DNMT3A: variants seen among roughly 807,000 people sequenced by gnomAD.
DNMT3A encodes the protein DNA (cytosine-5)-methyltransferase 3A.
A neutral mutation model predicts 117.6 loss-of-function variants in DNMT3A; 267 were observed. The ratio of observed to expected loss-of-function variants is 2.27; its 90% CI spans 2.05 to 2.51. The LOEUF is 2.51. Among genes scored for constraint, DNMT3A ranks in the 30% most tolerant of loss-of-function variants. DNMT3A has a pLI of 0.00. For synonymous variants in DNMT3A, 432 were observed against 474.8 expected (o/e 0.91, Z 1.17); for missense variants, 1,029 against 1,260.2 (o/e 0.82, Z 2.78).
In DNMT3A at chr2:25,252,245, G is replaced by A. The variant is rs1382484125; in HGVS notation, c.640-3993C>T. 1.4e-6 allele frequency: 2 copies of A among 1,421,018 alleles called. No individual in the cohort carries two copies. The highest frequency in any genetic ancestry group is 2.5e-5 in the South Asian group (2 of 78,922). The allele number at this position is 1,421,018 out of a possible 1,614,324, so 88.0% of individuals were successfully genotyped here. On this transcript the variant is annotated intron_variant, in intron 6 of 22. Transcript: ENST00000321117. The surrounding 1 kb of genome is among the most constrained non-coding windows in gnomAD (Gnocchi z 5.5). ...CAGTCGCGCTCAGGTGTGAGCCGCG[G>A]CCCTGAAGCTCTGGAAGTAGCTGCC...
intron 6 of DNMT3A, 31 bp downstream of exon 6, chr2:25,274,910 G>C: frequency 2.5e-6 from 4 of 1,590,998 alleles, no homozygotes; most frequent in Middle Eastern, 3.8e-4. Flanking sequence ...TCTGCAGGAC[G>C]GGCTGGGGCC....
intron 6 of DNMT3A, among the ~76,000 whole-genome samples, chr2:25,271,591 T>G (rs910780949): frequency 2.0e-5 from 3 of 152,224 alleles, no homozygotes; most frequent in African/African-American, 7.2e-5. Context: ...CAATTCTTCA[T>G]TGGGAGCTTG....
rs371000949 is a variant in DNMT3A, at chr2:25,242,716, C to T, written c.1937-1009G>A. Among the ~76,000 whole-genome samples the T allele has an allele frequency of 1.5e-4, 23 of 152,220 alleles. No individual in the cohort carries two copies. The South Asian group carries it at 4.1e-3, about 27-fold the overall frequency. ...GAAGAGCTATTCCTTTCTTAAAAGC[C>T]GGGAAGCCCTTGGCTGGGGGGGCAG... On this transcript the variant is annotated intron_variant, in intron 16 of 22. Coordinates refer to ENST00000321117, the MANE Select transcript of DNMT3A (RefSeq NM_022552.5).
chr2:25,243,816 C>T (rs540446473), intron 16 of DNMT3A, 82 bp downstream of exon 16: 79 of 1,416,378 alleles, frequency 5.6e-5, no homozygotes, highest in African/African-American at 8.5e-5. Flanking sequence ...ACCATCATTT[C>T]GTTTTGCCAG....
chr2:25,251,964 T>C, intron 6 of DNMT3A: 1 of 510,772 alleles, frequency 2.0e-6, no homozygotes, highest in Middle Eastern at 5.3e-4. Flanking sequence ...GGGCGCCAGG[T>C]GCCACTGGAG....
chr2:25,288,009 T>C (rs1028308299), intron 3 of DNMT3A, among the ~76,000 whole-genome samples: 9 of 151,908 alleles, frequency 5.9e-5, no homozygotes, highest in Admixed American at 2.0e-4. Flanking sequence ...TAACTTTTTG[T>C]ATTTTTGGTA....
rs759380437 is a variant in DNMT3A at position 25,247,685 on chromosome 2, G to T, written c.920C>A (p.Pro307Gln). 2 of 1,613,696 alleles carry T rather than the reference G, an allele frequency of 1.2e-6. No individual in the cohort carries two copies. The highest frequency in any genetic ancestry group is 1.7e-6 in the Non-Finnish European group (2 of 1,179,962). ...WGKLRGFSWW[P>Q]GRIVSWWMTG... is the part of the protein sequence containing the mutation. ...CATCCACCAAGACACAATGCGGCCT[G>T]GCCACCAGGAGAAGCCCCGCAGTTT... The change falls in exon 8 of 23, where the codon CCA (proline) becomes CAA (glutamine). Residue 307 changes from proline to glutamine, a missense_variant. Coordinates refer to ENST00000321117, the MANE Select transcript of DNMT3A (RefSeq NM_022552.5). This position sits in a 1 kb window ranked among gnomAD's most constrained non-coding sequence, Gnocchi z 5.6.
Position 25,231,502 on chromosome 2 carries a change from G to A in DNMT3A, c.*2777C>T, listed in dbSNP as rs925850802. 1.3e-5 allele frequency: 2 copies of A among 152,264 alleles called. No individual in the cohort carries two copies. Among genetic ancestry groups the A allele is most frequent in the South Asian group, 2.1e-4 (1 of 4,836 alleles). 9.4% of individuals were successfully genotyped at this position (152,264 alleles called of 1,614,324 possible). On this transcript the variant is annotated 3_prime_UTR_variant, in exon 23 of 23. Transcript: ENST00000321117. ...CTGTGTGAATTTACTCCTGAGTAATGAGCAGGGGGTCCAAAGCCTTGGTTT... is the reference window on the plus strand; with the variant it reads ...CTGTGTGAATTTACTCCTGAGTAATAAGCAGGGGGTCCAAAGCCTTGGTTT...
chr2:25,271,751 G>C (rs2030924627), intron 6 of DNMT3A, among the ~76,000 whole-genome samples: 1 of 152,204 alleles, frequency 6.6e-6, no homozygotes, highest in Non-Finnish European at 1.5e-5. Flanking sequence ...TTTGTTTGGA[G>C]ATCTCCACAT....
At chr2:25,246,431 T>C in intron 10 of DNMT3A, 122 bp from the exon 11 acceptor site, 2 of 1,447,760 alleles carry the variant, frequency 1.4e-6, no homozygotes, top group Non-Finnish European at 1.9e-6. Context: ...CTCCCAACTC[T>C]ACGGTTCTAG....
At chr2:25,235,863 C>A (rs1295043791) in intron 21 of DNMT3A, 38 bp from the exon 22 acceptor site, 1 of 1,563,612 alleles carries the variant, frequency 6.4e-7, no homozygotes, top group South Asian at 1.1e-5. Context: ...AGCACGAATT[C>A]ATTCACCAGC....
Position 25,264,650 on chromosome 2 carries a change from G to A in DNMT3A, c.639+10291C>T, listed in dbSNP as rs1019548769. Among the ~76,000 whole-genome samples the A allele has an allele frequency of 5.3e-5, 8 of 151,802 alleles. No individual in the cohort carries two copies. In the East Asian group the frequency reaches 1.4e-3, roughly 26 times the overall value. Reference sequence around the variant, plus strand: ...GCTAATTTTTTGTATTTTTAGTAGAGAGGGGGTTTCACCATGTTAGCCAGG... The same window carrying A: ...GCTAATTTTTTGTATTTTTAGTAGAAAGGGGGTTTCACCATGTTAGCCAGG... On this transcript the variant is annotated intron_variant, in intron 6 of 22. Coordinates refer to ENST00000321117, the MANE Select transcript of DNMT3A (RefSeq NM_022552.5).
chr2:25,334,684 C>T lies in DNMT3A; in HGVS notation c.-178+7142G>A, dbSNP rs1008055483. ...CGTGGGCCAGGGTGCATGCAGTCAGCGGCCTATTTTCTGCTCTCACCTAAT... is the reference window on the plus strand; with the variant it reads ...CGTGGGCCAGGGTGCATGCAGTCAGTGGCCTATTTTCTGCTCTCACCTAAT... On this transcript the variant is annotated intron_variant, in intron 1 of 22. Transcript: ENST00000321117. Among the ~76,000 whole-genome samples, 10 of 152,344 alleles carry T rather than the reference C, an allele frequency of 6.6e-5. No homozygotes were observed. In the South Asian group the frequency reaches 1.2e-3, roughly 19 times the overall value.
In DNMT3A at chr2:25,247,935, G is replaced by A. The variant is rs758374733; in HGVS notation, c.855+102C>T. 33 of 1,550,028 alleles carry A rather than the reference G, an allele frequency of 2.1e-5. No homozygotes were observed. Among genetic ancestry groups the A allele is most frequent in the Admixed American group, 9.7e-5 (5 of 51,660 alleles). ...AGGCCCGGGGTCAGGTGGAGAGAGC[G>A]AGCGGCCCGTGGGAGATGGAGAGAG... On this transcript the variant is annotated intron_variant, in intron 7 of 22. Transcript: ENST00000321117. The surrounding 1 kb of genome is among the most constrained non-coding windows in gnomAD (Gnocchi z 5.6).
chr2:25,283,880 C>A (rs1463469150), intron 3 of DNMT3A, among the ~76,000 whole-genome samples: 2 of 152,210 alleles, frequency 1.3e-5, no homozygotes, highest in African/African-American at 4.8e-5. Flanking sequence ...CCCTGGGAAG[C>A]AGGTGAGGAA....
intron 12 of DNMT3A, 140 bp downstream of exon 12, chr2:25,245,880 A>G (rs887153618): frequency 2.7e-6 from 3 of 1,096,172 alleles, no homozygotes; most frequent in African/African-American, 3.1e-5. Flanking sequence ...AAAGACAGAC[A>G]GTGCACGAAG....
intron 1 of DNMT3A, among the ~76,000 whole-genome samples, chr2:25,323,644 A>T (rs750127664): frequency 3.9e-5 from 6 of 152,258 alleles, no homozygotes; most frequent in Non-Finnish European, 8.8e-5. Flanking sequence ...GTACTCAATA[A>T]ATCTTAACGA....
At chr2:25,275,328 CGGCTGCCTT>C (rs2031311222) in intron 5 of DNMT3A, among the ~76,000 whole-genome samples, 163 bp downstream of exon 5, 1 of 152,332 alleles carries the variant, frequency 6.6e-6, no homozygotes, top group East Asian at 1.9e-4. Flanking sequence ...GGGGATGAGC[CGGCTGCCTT>C]GTTGGGGGAC....
In DNMT3A at chr2:25,240,726, T is replaced by G. The variant is rs764656024; in HGVS notation, c.2087A>C (p.Gln696Pro). 1.2e-6 allele frequency: 2 copies of G among 1,614,132 alleles called. No individual in the cohort carries two copies. The highest frequency in any genetic ancestry group is 1.7e-6 in the Non-Finnish European group (2 of 1,179,996). ...DVRSVTQKHI[Q>P]EWGPFDLVIG... Reference sequence around the variant, plus strand: ...CACCAGATCGAATGGGCCCCACTCCTGGATCTGGGAGGATAAAGGCAACGT... The same window carrying G: ...CACCAGATCGAATGGGCCCCACTCCGGGATCTGGGAGGATAAAGGCAACGT... Residue 696 changes from glutamine (Q) to proline (P), a missense_variant, in exon 18 of 23, where the codon CAG becomes CCG. Coordinates refer to ENST00000321117, the MANE Select transcript of DNMT3A (RefSeq NM_022552.5).
Sources: allele counts gnomAD v4.1 joint callset (sites outside exome capture counted in the v4.1 genomes callset), GRCh38; gene constraint gnomAD v4.1.1; non-coding constraint Gnocchi (gnomAD v3.1); transcripts MANE v1.5; gene names NCBI Gene and HGNC (gene_info 2026-07-23, HGNC 2026-07-21).